Variants in ITGA9 observed in about 807,000 individuals in gnomAD.
The protein encoded by ITGA9 is integrin subunit alpha 9.
Under a neutral mutation model 127.8 loss-of-function variants are expected in ITGA9, and 56 were observed. The observed-to-expected ratio is 0.44, with a 90% confidence interval of 0.35 to 0.55. The LOEUF (loss-of-function observed/expected upper bound fraction) is 0.55. Among genes scored for constraint, ITGA9 ranks in the 20% least tolerant of loss-of-function variants. ITGA9 has a pLI of 0.00. For synonymous variants in ITGA9, 508 were observed against 514.5 expected (o/e 0.99, Z 0.17); for missense variants, 1,196 against 1,347.1 (o/e 0.89, Z 1.76).
chr3:37,716,087 CA>C (rs1425044320), intron 18 of ITGA9, among the ~76,000 whole-genome samples: 1 of 152,190 alleles, frequency 6.6e-6, no homozygotes, highest in Non-Finnish European at 1.5e-5. Context: ...CTGTCCCAAT[CA>C]GGGACAAAAG....
chr3:37,675,744 T>C (rs1184257897), intron 17 of ITGA9, among the ~76,000 whole-genome samples: 11 of 62,424 alleles, frequency 1.8e-4, no homozygotes, highest in Non-Finnish European at 2.2e-4. Context: ...TAAAAACTAC[T>C]TTTTTTTTTT....
intron 1 of ITGA9, among the ~76,000 whole-genome samples, chr3:37,460,833 C>T (rs1259482261): frequency 2.0e-5 from 3 of 152,082 alleles, no homozygotes; most frequent in Admixed American, 6.5e-5. Context: ...TCGTGATCTG[C>T]CCACTTTGGC....
chr3:37,715,780 T>G (rs530177368), intron 18 of ITGA9, among the ~76,000 whole-genome samples: 1 of 152,014 alleles, frequency 6.6e-6, no homozygotes, highest in South Asian at 2.1e-4. Flanking sequence ...TTGCTCAGAG[T>G]CTGAAATGTT....
chr3:37,496,573 G>A lies in ITGA9; in HGVS notation c.612+2005G>A, dbSNP rs571668290. ...CTTCTGCCGTCTTGCTTCCACCCTTGCCTCTGGACAGACTGGTCCCCATGT... is the reference window on the plus strand; with the variant it reads ...CTTCTGCCGTCTTGCTTCCACCCTTACCTCTGGACAGACTGGTCCCCATGT... On this transcript the variant is annotated intron_variant, in intron 5 of 27. Transcript: ENST00000264741. Among the ~76,000 whole-genome samples the A allele has an allele frequency of 2.6e-5, 4 of 152,206 alleles. No individual in the cohort carries two copies. In the South Asian group the frequency reaches 8.3e-4, roughly 32 times the overall value.
intron 15 of ITGA9, among the ~76,000 whole-genome samples, chr3:37,546,939 CT>C (rs1277714413): frequency 1.3e-5 from 2 of 152,212 alleles, no homozygotes; most frequent in Admixed American, 6.5e-5. Context: ...GAGCACAGGC[CT>C]TTTGTGAGAT....
rs1458532687 is a variant in ITGA9 at position 37,594,235 on chromosome 3, T to G, written c.1690-34952T>G. 2.6e-5 allele frequency among the ~76,000 whole-genome samples: 4 copies of G among 152,182 alleles called. No homozygotes were observed. The East Asian group carries it at 7.7e-4, about 29-fold the overall frequency. ...GGGTCTGGCCCCATTCCTGCCTGAC[T>G]GGCAGTCTTCATTAATGTACGTTTA... On this transcript the variant is annotated intron_variant, in intron 15 of 27. Transcript: ENST00000264741.
intron 15 of ITGA9, among the ~76,000 whole-genome samples, chr3:37,615,743 T>C (rs1361943875): frequency 6.6e-6 from 1 of 152,200 alleles, no homozygotes; most frequent in East Asian, 1.9e-4. Context: ...GATTTTCTAG[T>C]TTATTTGCGT....
chr3:37,484,392 C>T (rs1284244049), intron 4 of ITGA9, among the ~76,000 whole-genome samples: 1 of 152,114 alleles, frequency 6.6e-6, no homozygotes, highest in East Asian at 1.9e-4. Context: ...TGTCTGTGCT[C>T]TGTTGGCTTT....
chr3:37,553,276 A>G (rs1019548074), intron 15 of ITGA9, among the ~76,000 whole-genome samples: 1 of 152,226 alleles, frequency 6.6e-6, no homozygotes, highest in Admixed American at 6.5e-5. Flanking sequence ...AAATAAGGAA[A>G]TTAAGTGATA....
chr3:37,600,843 A>G (rs1427598126), intron 15 of ITGA9, among the ~76,000 whole-genome samples: 6 of 152,142 alleles, frequency 3.9e-5, no homozygotes, highest in Admixed American at 2.0e-4. Flanking sequence ...CCCCAACCCC[A>G]TGTGTGCACA....
chr3:37,507,431 C>G (rs1355137258), intron 7 of ITGA9, among the ~76,000 whole-genome samples: 2 of 152,028 alleles, frequency 1.3e-5, no homozygotes, highest in Non-Finnish European at 2.9e-5. Context: ...AAAACATGAT[C>G]CAGTTTTATA....
chr3:37,615,060 G>A (rs993147218), intron 15 of ITGA9, among the ~76,000 whole-genome samples: 1 of 152,190 alleles, frequency 6.6e-6, no homozygotes, highest in Non-Finnish European at 1.5e-5. Flanking sequence ...CAAAGGGAAT[G>A]CTTCCAGTTT....
At chr3:37,618,889 G>T (rs2125630196) in intron 15 of ITGA9, among the ~76,000 whole-genome samples, 1 of 152,296 alleles carries the variant, frequency 6.6e-6, no homozygotes, top group South Asian at 2.1e-4. Context: ...GAAAGGGAAT[G>T]CCCTGACCCC....
At chr3:37,614,442 A>T (rs1298236707) in intron 15 of ITGA9, among the ~76,000 whole-genome samples, 1 of 152,144 alleles carries the variant, frequency 6.6e-6, no homozygotes. Flanking sequence ...TGACTTGGCG[A>T]TGCGGGCTCT....
chr3:37,498,752 C>T (rs1288357856), intron 5 of ITGA9, among the ~76,000 whole-genome samples: 2 of 152,224 alleles, frequency 1.3e-5, no homozygotes, highest in Non-Finnish European at 2.9e-5. Flanking sequence ...CTGCTGTCTC[C>T]TGGCTACTTT....
chr3:37,569,915 A>G (rs1433271693), intron 15 of ITGA9, among the ~76,000 whole-genome samples: 2 of 152,242 alleles, frequency 1.3e-5, no homozygotes, highest in East Asian at 3.8e-4. Context: ...CCAAAATCTG[A>G]AAGACTTCTG....
intron 5 of ITGA9, among the ~76,000 whole-genome samples, chr3:37,496,823 TC>T (rs1698735393): frequency 6.6e-6 from 1 of 152,172 alleles, no homozygotes; most frequent in Non-Finnish European, 1.5e-5. Flanking sequence ...GCACTGGAGA[TC>T]CATTCACGTG....
intron 15 of ITGA9, among the ~76,000 whole-genome samples, chr3:37,604,061 G>T (rs1431611199): frequency 6.6e-6 from 1 of 152,224 alleles, no homozygotes; most frequent in African/African-American, 2.4e-5. Flanking sequence ...ATACGGATGG[G>T]CAAGCACTTC....
At chr3:37,800,683 C>A (rs1697226379) in intron 26 of ITGA9, among the ~76,000 whole-genome samples, 1 of 152,212 alleles carries the variant, frequency 6.6e-6, no homozygotes, top group African/African-American at 2.4e-5. Context: ...AGTAAATGTT[C>A]TTCCCTGAGA....
Sources: gnomAD v4.1 joint callset for allele counts (sites outside exome capture counted in the v4.1 genomes callset) on GRCh38, gnomAD v4.1.1 for gene constraint, MANE v1.5 for transcripts, NCBI Gene and HGNC (gene_info 2026-07-23, HGNC 2026-07-21) for gene names.